KHDRBS2: variants seen among roughly 807,000 people sequenced by gnomAD.
The protein encoded by KHDRBS2 is KH domain-containing, RNA-binding, signal transduction-associated protein 2.
A neutral mutation model predicts 44.3 loss-of-function variants in KHDRBS2; 26 were observed. The observed-to-expected ratio is 0.59, with a 90% CI of 0.43 to 0.81. KHDRBS2 has a LOEUF of 0.81. Ranked by LOEUF, KHDRBS2 falls within the 40% of genes least tolerant of loss-of-function variation. The probability of loss-of-function intolerance (pLI) is 0.00; values close to 1 mark genes in which losing one functional copy is unlikely to be tolerated. For missense variants in KHDRBS2, 476 were observed against 433.1 expected (o/e 1.10, Z -0.88); for synonymous variants, 194 against 151.1 (o/e 1.28, Z -2.08).
chr6:62,202,638 G>C (rs1255646951), intron 1 of KHDRBS2, among the ~76,000 whole-genome samples: 1 of 152,000 alleles, frequency 6.6e-6, no homozygotes, highest in African/African-American at 2.4e-5. Context: ...TATGGAAAAG[G>C]AAAACCAAAG....
rs1307314774 is a variant in KHDRBS2, at chr6:61,978,341, A to G, written c.337-129T>C. 7 of 613,422 alleles carry G rather than the reference A, an allele frequency of 1.1e-5. No homozygotes were observed. In the African/African-American group the frequency reaches 1.4e-4, roughly 12 times the overall value. 38.0% of individuals were successfully genotyped at this position (613,422 alleles called of 1,614,324 possible). A position where few individuals can be genotyped will look rare whatever the true frequency, so the allele number is the denominator to read the frequency against. On this transcript the variant is annotated intron_variant, in intron 3 of 8. Coordinates refer to ENST00000281156, the MANE Select transcript of KHDRBS2 (RefSeq NM_152688.4). ...TAATTTGCTTCCATAATTTTCTCAA[A>G]GAAACCCTTTGAGAAATAAAAATCT...
chr6:62,089,268 CAAA>C (rs34948262), intron 2 of KHDRBS2, among the ~76,000 whole-genome samples: 5 of 111,950 alleles, frequency 4.5e-5, no homozygotes, highest in Admixed American at 1.9e-4. Flanking sequence ...CACTGGGTTA[CAAA>C]AAAAAAAAAA....
At chr6:61,617,230 T>C in the KHDRBS2 span, among the ~76,000 whole-genome samples, 1 of 152,208 alleles carries the variant, frequency 6.6e-6, no homozygotes, top group Non-Finnish European at 1.5e-5. Flanking sequence ...TTTTAAACTG[T>C]TCTGTCGCTA....
chr6:61,663,500 C>CATATATATATATATATATATGTAT, the KHDRBS2 span, among the ~76,000 whole-genome samples: 613 of 35,990 alleles, frequency 0.017, 148 homozygotes, highest in Non-Finnish European at 0.026. Flanking sequence ...CATGAGACAC[C>CATATATATATATATATATATGTAT]ATATATATAT....
intron 3 of KHDRBS2, among the ~76,000 whole-genome samples, chr6:62,036,892 T>C (rs1785392011): frequency 6.6e-6 from 1 of 152,018 alleles, no homozygotes; most frequent in Non-Finnish European, 1.5e-5. Flanking sequence ...ACTAACTTAC[T>C]ATGAGTATTA....
At chr6:62,109,755 A>C (rs961959142) in intron 2 of KHDRBS2, among the ~76,000 whole-genome samples, 1 of 151,542 alleles carries the variant, frequency 6.6e-6, no homozygotes, top group Non-Finnish European at 1.5e-5. Context: ...AAGAAGAAGG[A>C]GAAGGAATTA....
intron 4 of KHDRBS2, among the ~76,000 whole-genome samples, chr6:61,903,743 C>T (rs537245643): frequency 6.6e-6 from 1 of 152,264 alleles, no homozygotes; most frequent in East Asian, 1.9e-4. Flanking sequence ...TGTATTGGAG[C>T]TCTCCTTTTC....
At chr6:61,874,024 A>T (rs950800972) in intron 6 of KHDRBS2, among the ~76,000 whole-genome samples, 5 of 152,012 alleles carry the variant, frequency 3.3e-5, no homozygotes, top group African/African-American at 1.2e-4. Context: ...TAATGGTATG[A>T]ACTCTCTCTA....
At chr6:61,856,996 A>G (rs1414567117) in intron 6 of KHDRBS2, among the ~76,000 whole-genome samples, 3 of 152,148 alleles carry the variant, frequency 2.0e-5, no homozygotes, top group Admixed American at 1.3e-4. Context: ...ATTGTGCTGA[A>G]GTGCATAGCA....
chr6:62,164,864 A>G (rs1385620555), intron 2 of KHDRBS2, among the ~76,000 whole-genome samples: 1 of 151,916 alleles, frequency 6.6e-6, no homozygotes. Flanking sequence ...TCAGTCTGAT[A>G]AAGAGCAGCA....
intron 6 of KHDRBS2, among the ~76,000 whole-genome samples, chr6:61,838,135 G>T (rs1793015122): frequency 6.6e-6 from 1 of 151,962 alleles, no homozygotes; most frequent in Admixed American, 6.6e-5. Context: ...ATTAATCAAA[G>T]ATTATCTTGG....
At chr6:61,667,240 C>T in the KHDRBS2 span, among the ~76,000 whole-genome samples, 3,697 of 149,322 alleles carry the variant, frequency 0.025, 72 homozygotes, top group Middle Eastern at 0.085. Context: ...ACTATATTCT[C>T]TTTTTTTAAT....
chr6:61,935,634 T>TGA (rs1473274615), intron 4 of KHDRBS2, among the ~76,000 whole-genome samples: 2 of 152,300 alleles, frequency 1.3e-5, no homozygotes, highest in East Asian at 3.9e-4. Flanking sequence ...TGAGTGACAT[T>TGA]GCTTTGCTCA....
chr6:61,959,046 C>A (rs1768043901), intron 4 of KHDRBS2, among the ~76,000 whole-genome samples: 1 of 152,174 alleles, frequency 6.6e-6, no homozygotes. Context: ...GTCTGTTCTT[C>A]AAATGTTTTT....
chr6:62,238,314 G>T (rs1371063539), intron 1 of KHDRBS2, among the ~76,000 whole-genome samples: 5 of 152,052 alleles, frequency 3.3e-5, no homozygotes, highest in South Asian at 2.1e-4. Flanking sequence ...AGTGGGATTC[G>T]AGTTTGATGA....
intron 1 of KHDRBS2, among the ~76,000 whole-genome samples, chr6:62,227,909 C>T (rs1433537559): frequency 6.6e-6 from 1 of 152,112 alleles, no homozygotes; most frequent in African/African-American, 2.4e-5. Flanking sequence ...TGATGTGCTG[C>T]TGGATTTGGT....
intron 4 of KHDRBS2, among the ~76,000 whole-genome samples, chr6:61,919,521 T>C (rs1225628737): frequency 1.3e-5 from 2 of 151,902 alleles, no homozygotes; most frequent in African/African-American, 4.8e-5. Context: ...GTAAACCAGC[T>C]AGCTCAGAAG....
At chr6:61,600,688 T>G in the KHDRBS2 span, among the ~76,000 whole-genome samples, 1 of 152,156 alleles carries the variant, frequency 6.6e-6, no homozygotes, top group African/African-American at 2.4e-5. Context: ...ATCAGCCCCC[T>G]GCCCTCACCC....
intron 4 of KHDRBS2, among the ~76,000 whole-genome samples, chr6:61,969,456 G>A (rs371879939): frequency 6.6e-6 from 1 of 151,978 alleles, no homozygotes; most frequent in Admixed American, 6.6e-5. Context: ...CTTTGCATGA[G>A]GACTAGTTTT....
Sources: allele counts gnomAD v4.1 joint callset (sites outside exome capture counted in the v4.1 genomes callset), GRCh38; gene constraint gnomAD v4.1.1; transcripts MANE v1.5; gene names NCBI Gene and HGNC (gene_info 2026-07-23, HGNC 2026-07-21).